CDH7: variants seen among roughly 807,000 people sequenced by gnomAD.
The protein encoded by CDH7 is cadherin 7.
CDH7 carries 25 observed loss-of-function variants against 71.8 expected under a neutral mutation model. That is an observed-to-expected ratio of 0.35 (90% CI 0.25 to 0.49). The LOEUF is 0.49. CDH7 is among the 20% of genes least tolerant of loss of function. The pLI is 0.99. For synonymous variants in CDH7, 381 were observed against 363.8 expected, an observed-to-expected ratio of 1.05 and a Z score of -0.54; for missense variants, 862 against 974.6, an observed-to-expected ratio of 0.88 and a Z score of 1.54.
intron 2 of CDH7, among the ~76,000 whole-genome samples, chr18:65,797,210 G>A (rs1346289722): frequency 6.6e-6 from 1 of 152,120 alleles, no homozygotes; most frequent in Non-Finnish European, 1.5e-5. Flanking sequence ...CCTTTCCAGA[G>A]TCCATGGGAT....
intron 2 of CDH7, among the ~76,000 whole-genome samples, chr18:65,793,840 G>A (rs1032468705): frequency 5.3e-5 from 8 of 152,084 alleles, no homozygotes; most frequent in East Asian, 3.9e-4. Context: ...TCATGTGCTC[G>A]TAAGGAGCAC....
chr18:65,882,000 A>G lies in CDH7; in HGVS notation c.*1106A>G, dbSNP rs1914245435. The G allele has an allele frequency of 6.6e-6, 1 of 150,654 alleles. No homozygotes were observed. Among genetic ancestry groups the G allele is most frequent in the Non-Finnish European group, 1.5e-5 (1 of 67,814 alleles). 9.3% of individuals were successfully genotyped at this position (150,654 alleles called of 1,614,324 possible). On this transcript the variant is annotated 3_prime_UTR_variant, in exon 12 of 12. Transcript: ENST00000397968. ...GAGAATTGAGATTTTCTTTGATGCAAGAATTATTTTTCAAGATCATGAGTT... is the reference window on the plus strand; with the variant it reads ...GAGAATTGAGATTTTCTTTGATGCAGGAATTATTTTTCAAGATCATGAGTT...
Position 65,858,712 on chromosome 18 carries a change from A to G in CDH7, c.1373-213A>G, listed in dbSNP as rs565086305. Among the ~76,000 whole-genome samples the G allele has an allele frequency of 2.4e-3, 359 of 152,162 alleles. 3 individuals are homozygous for G. Among genetic ancestry groups the G allele is most frequent in the African/African-American group, 8.3e-3 (345 of 41,536 alleles). On this transcript the variant is annotated intron_variant, in intron 8 of 11. Coordinates refer to ENST00000397968, the MANE Select transcript of CDH7 (RefSeq NM_004361.5). ...TACATACACATATACGTATATACAT[A>G]TATGTATGTGTGTATATATATACAC...
intron 4 of CDH7, among the ~76,000 whole-genome samples, chr18:65,816,859 A>G (rs1955737613): frequency 6.6e-6 from 1 of 152,158 alleles, no homozygotes. Context: ...TAATGTCCCA[A>G]ATTTACTAGG....
At chr18:65,808,621 A>G (rs1911412138) in intron 2 of CDH7, among the ~76,000 whole-genome samples, 1 of 152,194 alleles carries the variant, frequency 6.6e-6, no homozygotes, top group Admixed American at 6.5e-5. Flanking sequence ...ACAAAAGGCA[A>G]TGTCCTCAAC....
At chr18:65,853,175 A>G (rs1217343493) in intron 7 of CDH7, among the ~76,000 whole-genome samples, 1 of 152,190 alleles carries the variant, frequency 6.6e-6, no homozygotes, top group Non-Finnish European at 1.5e-5. Context: ...TGCAGAAGCT[A>G]GAGAGATTGT....
Position 65,859,729 on chromosome 18 carries a change from G to T in CDH7, c.1516G>T (p.Val506Leu). Residue 506 changes from valine (V) to leucine (L), a missense_variant, in exon 10 of 12, where the codon GTG (valine) becomes TTG (leucine). Physicochemically the swap from Val to Leu is conservative, Grantham distance 32. Coordinates refer to ENST00000397968, the MANE Select transcript of CDH7 (RefSeq NM_004361.5). Reference protein sequence around the residue: ...PGQVIQKISAVDKDEPSNGHQ... With the variant: ...PGQVIQKISALDKDEPSNGHQ... The stretch of plus-strand genomic sequence containing the variant: ...CTAGGTTATCCAGAAAATCAGTGCT[G>T]TGGATAAAGATGAGCCATCCAATGG... 2 of 1,606,518 alleles carry T rather than the reference G, an allele frequency of 1.2e-6. No homozygotes were observed. Among genetic ancestry groups the T allele is most frequent in the Non-Finnish European group, 1.7e-6 (2 of 1,173,320 alleles).
At chr18:65,766,263 A>G (rs1361057520) in intron 2 of CDH7, among the ~76,000 whole-genome samples, 1 of 152,188 alleles carries the variant, frequency 6.6e-6, no homozygotes, top group Non-Finnish European at 1.5e-5. Context: ...TTTCGAGTCC[A>G]TGTTAATGGC....
chr18:65,877,868 C>T (rs930174975), intron 11 of CDH7, among the ~76,000 whole-genome samples: 2 of 152,030 alleles, frequency 1.3e-5, no homozygotes. Context: ...AAATTGTTGT[C>T]TTTCTTGAGC....
intron 2 of CDH7, among the ~76,000 whole-genome samples, chr18:65,789,333 C>T (rs1449732553): frequency 1.3e-5 from 2 of 152,088 alleles, no homozygotes; most frequent in Non-Finnish European, 2.9e-5. Context: ...TATGCAAAGG[C>T]GTGGAGACTT....
chr18:65,846,324 T>G lies in CDH7; in HGVS notation c.1235+2259T>G, dbSNP rs550709862. On this transcript the variant is annotated intron_variant, in intron 7 of 11. Coordinates refer to ENST00000397968, the MANE Select transcript of CDH7 (RefSeq NM_004361.5). ...AGTACCCACCCAGCACCATATTTTTTACCCCACTTTCATTTCCTTAAAAGT... is the reference window on the plus strand; with the variant it reads ...AGTACCCACCCAGCACCATATTTTTGACCCCACTTTCATTTCCTTAAAAGT... 2.0e-5 allele frequency among the ~76,000 whole-genome samples: 3 copies of G among 152,262 alleles called. No individual in the cohort carries two copies. In the South Asian group the frequency reaches 6.2e-4, roughly 32 times the overall value.
chr18:65,863,079 C>T, intron 11 of CDH7, 162 bp downstream of exon 11: 1 of 768,942 alleles, frequency 1.3e-6, no homozygotes, highest in Non-Finnish European at 2.1e-6. Flanking sequence ...ACTCTGTTGC[C>T]CAGGCTGGAG....
intron 2 of CDH7, among the ~76,000 whole-genome samples, chr18:65,770,722 T>G (rs1916516545): frequency 6.6e-6 from 1 of 152,176 alleles, no homozygotes; most frequent in South Asian, 2.1e-4. Flanking sequence ...GAATTATAAT[T>G]GAGAAGAGCT....
chr18:65,799,781 A>G (rs945503499), intron 2 of CDH7, among the ~76,000 whole-genome samples: 1 of 152,110 alleles, frequency 6.6e-6, no homozygotes, highest in Non-Finnish European at 1.5e-5. Flanking sequence ...ATACTCCCCA[A>G]ATTAGCTTCT....
chr18:65,839,796 A>G (rs1459212707), intron 6 of CDH7, among the ~76,000 whole-genome samples: 6 of 152,168 alleles, frequency 3.9e-5, no homozygotes, highest in African/African-American at 1.4e-4. Context: ...GGTGATATAT[A>G]CTAGAAGAGA....
Position 65,821,136 on chromosome 18 carries a change from A to T in CDH7, c.626-945A>T, listed in dbSNP as rs56343945. On this transcript the variant is annotated intron_variant, in intron 4 of 11. Transcript: ENST00000397968. ...AAAAAATAACAAACAAACAAACAAAAAAAAAAACAAGAAAAGAAAAAGGTG... is the reference window on the plus strand; with the variant it reads ...AAAAAATAACAAACAAACAAACAAATAAAAAAACAAGAAAAGAAAAAGGTG... Among the ~76,000 whole-genome samples, 15 of 7,490 alleles carry T rather than the reference A, an allele frequency of 2.0e-3. 1 individual carries two copies. Among genetic ancestry groups the T allele is most frequent in the Non-Finnish European group, 0.016 (14 of 886 alleles). 4.9% of individuals were successfully genotyped at this position (7,490 alleles called of 152,430 possible). A position where few individuals can be genotyped will look rare whatever the true frequency, so the allele number is the denominator to read the frequency against.
chr18:65,789,088 G>A (rs982478773), intron 2 of CDH7, among the ~76,000 whole-genome samples: 5 of 152,196 alleles, frequency 3.3e-5, no homozygotes, highest in African/African-American at 1.2e-4. Context: ...AAATATTCTT[G>A]TCCTTCCTGC....
chr18:65,802,442 A>AGG (rs1414115261), intron 2 of CDH7, among the ~76,000 whole-genome samples: 14 of 152,190 alleles, frequency 9.2e-5, no homozygotes, highest in Non-Finnish European at 2.1e-4. Context: ...AGAAAAACCA[A>AGG]TACCTCACTT....
intron 11 of CDH7, among the ~76,000 whole-genome samples, chr18:65,871,509 T>C (rs1913925766): frequency 6.6e-6 from 1 of 152,126 alleles, no homozygotes; most frequent in Middle Eastern, 3.2e-3. Flanking sequence ...TGAGGCATAT[T>C]CTTGGTTACA....
Sources: allele counts gnomAD v4.1 joint callset (sites outside exome capture counted in the v4.1 genomes callset), GRCh38; gene constraint gnomAD v4.1.1; transcripts MANE v1.5; gene names NCBI Gene and HGNC (gene_info 2026-07-23, HGNC 2026-07-21).